The following MAPK8IP3 variants were observed in gnomAD, a reference collection of about 807,000 sequenced individuals.
MAPK8IP3 encodes mitogen-activated protein kinase 8 interacting protein 3, also known as C-Jun-amino-terminal kinase-interacting protein 3.
A neutral mutation model predicts 157.8 loss-of-function variants in MAPK8IP3; 49 were observed. That is an observed-to-expected ratio of 0.31 (90% CI 0.25 to 0.39). MAPK8IP3 has a LOEUF of 0.39. Among genes scored for constraint, MAPK8IP3 ranks in the 10% least tolerant of loss-of-function variants. The probability of loss-of-function intolerance (pLI) is 1.00; values close to 1 mark genes in which losing one functional copy is unlikely to be tolerated. For synonymous variants in MAPK8IP3, 897 were observed against 777.7 expected, an observed-to-expected ratio of 1.15 and a Z score of -2.55; for missense variants, 1,478 against 1,889.4, an observed-to-expected ratio of 0.78 and a Z score of 4.04.
At chr16:1,746,932 AAAGCATTGGTGCGCGGG>A in intron 5 of MAPK8IP3, 80 bp from the exon 6 acceptor site, 1 of 1,433,646 alleles carries the variant, frequency 7.0e-7, no homozygotes, top group Non-Finnish European at 9.4e-7. Context: ...GGCAAAGTGC[AAAGCATTGGTGCGCGGG>A]GCCTCAGGCA....
chr16:1,733,507 G>A (rs551216562), intron 4 of MAPK8IP3, among the ~76,000 whole-genome samples: 7 of 152,360 alleles, frequency 4.6e-5, no homozygotes, highest in Admixed American at 3.9e-4. Flanking sequence ...TGGCTGCGGG[G>A]CAAGGAGTAC....
chr16:1,749,056 GAAT>G (rs2041142132), intron 8 of MAPK8IP3, among the ~76,000 whole-genome samples: 2 of 152,296 alleles, frequency 1.3e-5, no homozygotes, highest in African/African-American at 4.8e-5. Context: ...GTCGTTTAGG[GAAT>G]AATGACAGGA....
chr16:1,744,539 G>T, intron 5 of MAPK8IP3: 1 of 985,538 alleles, frequency 1.0e-6, no homozygotes, highest in Non-Finnish European at 1.2e-6. Flanking sequence ...GCGGGGCTGC[G>T]GGCTCCCCGG....
intron 1 of MAPK8IP3, among the ~76,000 whole-genome samples, chr16:1,721,623 A>G (rs1952688239): frequency 6.6e-6 from 1 of 152,012 alleles, no homozygotes; most frequent in Admixed American, 6.6e-5. Flanking sequence ...GTGTCCAGCT[A>G]ATTTTTTTGT....
chr16:1,758,452 C>T (rs1391580182), intron 9 of MAPK8IP3, among the ~76,000 whole-genome samples: 1 of 152,206 alleles, frequency 6.6e-6, no homozygotes, highest in East Asian at 1.9e-4. Context: ...CTGGACATGG[C>T]CAAGGCCAGC....
intron 2 of MAPK8IP3, among the ~76,000 whole-genome samples, chr16:1,728,418 T>G (rs1365027764): frequency 6.6e-6 from 1 of 152,244 alleles, no homozygotes; most frequent in East Asian, 1.9e-4. Flanking sequence ...AAGCTTCTTG[T>G]GCACCTGTTG....
rs766508723 is a variant in MAPK8IP3 at position 1,766,988 on chromosome 16, C to T, written c.3088+17C>T. 43 of 1,577,146 alleles carry T rather than the reference C, an allele frequency of 2.7e-5. No individual in the cohort carries two copies. The highest frequency in any genetic ancestry group is 4.0e-5 in the African/African-American group (3 of 74,328). ...GTGGTGAAGGTGGGGCCTGGCAGCA[C>T]GGGGTGTGTGGGTGGCAGCTGATGG... On this transcript the variant is annotated intron_variant, in intron 25 of 31. Coordinates refer to ENST00000610761, the MANE Select transcript of MAPK8IP3 (RefSeq NM_001318852.2).
chr16:1,739,537 ACCAT>A (rs2040473167), intron 4 of MAPK8IP3, among the ~76,000 whole-genome samples: 1 of 107,418 alleles, frequency 9.3e-6, no homozygotes, highest in Non-Finnish European at 1.8e-5. Flanking sequence ...CTTCCGTGTG[ACCAT>A]CCGTGTGAGC....
At position 1,764,333 on chromosome 16, in the gene MAPK8IP3, G is replaced by T. The variant is rs1421966912; in HGVS notation, c.2154G>T (p.Gly718=). 6.3e-7 allele frequency: 1 copy of T among 1,577,212 alleles called. No homozygotes were observed. Among genetic ancestry groups the T allele is most frequent in the Admixed American group, 1.8e-5 (1 of 54,168 alleles). The change falls in exon 19 of 32, where the codon GGG becomes GGT. Residue 718 remains glycine (G), a synonymous_variant. Transcript: ENST00000610761. ...LWCAAGVNLS[G]WRPNEDDAGN... ...GTGCCGCGGGCGTCAACCTGAGCGG[G>T]TGGAGGCCCAATGAGGACGACGCTG...
chr16:1,756,124 G>A (rs889458542), intron 8 of MAPK8IP3, among the ~76,000 whole-genome samples: 9 of 152,098 alleles, frequency 5.9e-5, no homozygotes, highest in Non-Finnish European at 1.2e-4. Flanking sequence ...GGGAGCAGTC[G>A]GGCAGTCACA....
Position 1,706,697 on chromosome 16 carries a change from A to AC in MAPK8IP3, c.318+45dup. 1 of 1,490,794 alleles carries AC rather than the reference A, an allele frequency of 6.7e-7. No homozygotes were observed. Among genetic ancestry groups the AC allele is most frequent in the Non-Finnish European group, 8.9e-7 (1 of 1,121,746 alleles). 92.3% of individuals were successfully genotyped at this position (1,490,794 alleles called of 1,614,324 possible). Reference sequence around the variant, plus strand: ...GGACCCGCCCGCATCCCCGTCCCGGACCCCCAGCCAGCCCCGGGCCCCGGA... The same window carrying AC: ...GGACCCGCCCGCATCCCCGTCCCGGACCCCCCAGCCAGCCCCGGGCCCCGGA... On this transcript the variant is annotated intron_variant, in intron 1 of 31. Transcript: ENST00000610761. This position sits in a 1 kb window ranked among gnomAD's most constrained non-coding sequence, Gnocchi z 5.1.
intron 5 of MAPK8IP3, chr16:1,744,789 C>G: frequency 2.0e-6 from 2 of 985,464 alleles, no homozygotes; most frequent in Non-Finnish European, 2.4e-6. Context: ...CATCGTCGCT[C>G]TCTTCATAAA....
Position 1,764,919 on chromosome 16 carries a change from G to T in MAPK8IP3, c.2281-94G>T, listed in dbSNP as rs545412996. 8.5e-6 allele frequency: 11 copies of T among 1,292,398 alleles called. No individual in the cohort carries two copies. The East Asian group carries it at 2.4e-4, about 28-fold the overall frequency. 80.1% of individuals were successfully genotyped at this position (1,292,398 alleles called of 1,614,324 possible). On this transcript the variant is annotated intron_variant, in intron 19 of 31. Coordinates refer to ENST00000610761, the MANE Select transcript of MAPK8IP3 (RefSeq NM_001318852.2). The stretch of plus-strand genomic sequence containing the variant: ...GTCCCCTCAAGCTGTAGTCAAGGCT[G>T]GATCCTGACAGATTCTGGGAGCCCC...
Position 1,764,386 on chromosome 16 carries a change from G to A in MAPK8IP3, c.2207G>A (p.Arg736His), listed in dbSNP as rs1567206305. Reference protein sequence around the residue: ...AGNGVKPAPGRDPLTCDREGD... With the variant: ...AGNGVKPAPGHDPLTCDREGD... ...AATGGAGTCAAGCCAGCGCCAGGCC[G>A]CGATCCCCTGACCTGCGACCGCGAA... Residue 736 changes from arginine (R) to histidine (H), a missense_variant, in exon 19 of 32, where the codon CGC becomes CAC. This residue lies in a region of MAPK8IP3 where 669 missense variants were observed against 759.8 expected (regional missense o/e 0.88). Transcript: ENST00000610761. 13 of 1,595,424 alleles carry A rather than the reference G, an allele frequency of 8.1e-6. No homozygotes were observed. The highest frequency in any genetic ancestry group is 1.7e-5 in the Admixed American group (1 of 57,254).
Position 1,768,644 on chromosome 16 carries a change from A to G in MAPK8IP3, c.3892+18A>G, listed in dbSNP as rs910927168. On this transcript the variant is annotated intron_variant, in intron 31 of 31. Coordinates refer to ENST00000610761, the MANE Select transcript of MAPK8IP3 (RefSeq NM_001318852.2). Reference sequence around the variant, plus strand: ...CCGCATTGGTGAGCGGGGCCCAGGGACAGGGCTGAGGTTGGGCGCGGGGGG... The same window carrying G: ...CCGCATTGGTGAGCGGGGCCCAGGGGCAGGGCTGAGGTTGGGCGCGGGGGG... 1 of 1,609,700 alleles carries G rather than the reference A, an allele frequency of 6.2e-7. No homozygotes were observed. The highest frequency in any genetic ancestry group is 8.5e-7 in the Non-Finnish European group (1 of 1,178,736).
In MAPK8IP3 at chr16:1,754,703, G is replaced by T. The variant is rs1048615981; in HGVS notation, c.1217-3445G>T. Among the ~76,000 whole-genome samples, 3 of 151,916 alleles carry T rather than the reference G, an allele frequency of 2.0e-5. No individual in the cohort carries two copies. In the East Asian group the frequency reaches 5.8e-4, roughly 29 times the overall value. On this transcript the variant is annotated intron_variant, in intron 8 of 31. Transcript: ENST00000610761. ...GGAGAATCACTTGAACCTGGGAGGC[G>T]GGGGTTGCAGTGAACTGAGATCATG...
Position 1,770,235 on chromosome 16 carries a change from G to A in MAPK8IP3, c.*1411G>A, listed in dbSNP as rs1249835945. On this transcript the variant is annotated 3_prime_UTR_variant, in exon 32 of 32. Transcript: ENST00000610761. The stretch of plus-strand genomic sequence containing the variant: ...GCTGAGCAGTGGGGCGGCTGGGGGA[G>A]GGGTGACGATTCTCCTCAGGCTTTG... The A allele has an allele frequency of 6.1e-6, 1 of 163,670 alleles. No individual in the cohort carries two copies. The allele number at this position is 163,670 out of a possible 1,614,324, so 10.1% of individuals were successfully genotyped here.
intron 3 of MAPK8IP3, 121 bp from the exon 4 acceptor site, chr16:1,729,366 C>A: frequency 1.6e-6 from 2 of 1,252,820 alleles, no homozygotes; most frequent in Non-Finnish European, 2.3e-6. Context: ...TGGTTAGATT[C>A]CCCTCCAGGA....
intron 2 of MAPK8IP3, among the ~76,000 whole-genome samples, chr16:1,727,993 G>A (rs769351497): frequency 2.6e-5 from 4 of 152,232 alleles, no homozygotes; most frequent in Admixed American, 6.5e-5. Context: ...GCTGAGTCCC[G>A]GCCACGCACT....
Sources: gnomAD v4.1 joint callset for allele counts (sites outside exome capture counted in the v4.1 genomes callset) on GRCh38, gnomAD v4.1.1 for gene constraint, gnomAD v4.1.1 regional missense constraint, Gnocchi (gnomAD v3.1) non-coding constraint, MANE v1.5 for transcripts, NCBI Gene and HGNC (gene_info 2026-07-23, HGNC 2026-07-21) for gene names.